The following SLC39A10 variants were observed in gnomAD, a reference collection of about 807,000 sequenced individuals.
SLC39A10 encodes the protein zinc transporter ZIP10.
Under a neutral mutation model 65.1 loss-of-function variants are expected in SLC39A10, and 13 were observed. That is an observed-to-expected ratio of 0.20 (90% confidence interval 0.13 to 0.32). The LOEUF (loss-of-function observed/expected upper bound fraction) is 0.32. SLC39A10 is among the 10% of genes least tolerant of loss of function. SLC39A10 has a pLI of 1.00. For missense variants in SLC39A10, 831 were observed against 1,018.4 expected, an observed-to-expected ratio of 0.82 and a Z score of 2.50; for synonymous variants, 321 against 342.2, an observed-to-expected ratio of 0.94 and a Z score of 0.68.
At chr2:195,726,417 G>C (rs1221131432) in intron 8 of SLC39A10, among the ~76,000 whole-genome samples, 1 of 152,112 alleles carries the variant, frequency 6.6e-6, no homozygotes, top group African/African-American at 2.4e-5. Context: ...ATTTGTTAGG[G>C]AAGTTAGGGA....
intron 2 of SLC39A10, among the ~76,000 whole-genome samples, chr2:195,631,078 A>G (rs1688574795): frequency 6.6e-6 from 1 of 152,026 alleles, no homozygotes; most frequent in African/African-American, 2.4e-5. Flanking sequence ...AATTCCAGCT[A>G]CTCAGGAGGC....
intron 1 of SLC39A10, chr2:195,671,802 T>A (rs1276545053): frequency 6.6e-6 from 1 of 152,224 alleles, no homozygotes; most frequent in Non-Finnish European, 1.5e-5. Flanking sequence ...TGAGAAGTGA[T>A]GCCTGCAACT....
At chr2:195,673,322 A>G (rs1265874501) in intron 1 of SLC39A10, among the ~76,000 whole-genome samples, 1 of 151,750 alleles carries the variant, frequency 6.6e-6, no homozygotes, top group Non-Finnish European at 1.5e-5. Flanking sequence ...ATGCCCAACT[A>G]ATTTTTTTTG....
chr2:195,711,903 T>C (rs186980842), intron 5 of SLC39A10, among the ~76,000 whole-genome samples: 3 of 152,346 alleles, frequency 2.0e-5, no homozygotes, highest in Admixed American at 6.5e-5. Flanking sequence ...CCGTTTTTTT[T>C]CTTCTCTTTA....
chr2:195,636,334 T>C (rs999591931), intron 2 of SLC39A10, among the ~76,000 whole-genome samples: 14 of 152,250 alleles, frequency 9.2e-5, no homozygotes, highest in Non-Finnish European at 4.4e-5. Context: ...TTATATCATA[T>C]GTAATTGGTT....
At chr2:195,670,669 C>T (rs905310857) in intron 1 of SLC39A10, among the ~76,000 whole-genome samples, 2 of 151,878 alleles carry the variant, frequency 1.3e-5, no homozygotes, top group Non-Finnish European at 2.9e-5. Context: ...TTAATAGTAT[C>T]GATGTCAGTT....
At chr2:195,706,218 GC>G (rs1377631163) in intron 3 of SLC39A10, among the ~76,000 whole-genome samples, 2 of 151,818 alleles carry the variant, frequency 1.3e-5, no homozygotes, top group African/African-American at 4.8e-5. Context: ...TAGATACTTG[GC>G]TTTTTTAATG....
At chr2:195,662,729 C>G (rs1689454312) in intron 1 of SLC39A10, among the ~76,000 whole-genome samples, 1 of 152,046 alleles carries the variant, frequency 6.6e-6, no homozygotes, top group South Asian at 2.1e-4. Flanking sequence ...TGGATTGGCA[C>G]TTTAAAAAAA....
chr2:195,619,887 T>C (rs781687321), intron 2 of SLC39A10, among the ~76,000 whole-genome samples: 1 of 151,640 alleles, frequency 6.6e-6, no homozygotes, highest in Admixed American at 6.6e-5. Context: ...TATTTATTTA[T>C]TTAGAGACAG....
At chr2:195,618,986 G>A (rs1162386644) in intron 2 of SLC39A10, among the ~76,000 whole-genome samples, 2 of 151,626 alleles carry the variant, frequency 1.3e-5, no homozygotes, top group Non-Finnish European at 2.9e-5. Context: ...CCAGCTACTC[G>A]GGTGGCTGAG....
upstream of SLC39A10, among the ~76,000 whole-genome samples, chr2:195,655,021 C>G (rs1339987260): frequency 1.3e-5 from 2 of 152,168 alleles, no homozygotes; most frequent in African/African-American, 2.4e-5. Context: ...TCTCTATTTT[C>G]AAGTTGCTTA....
At chr2:195,622,907 G>A (rs1258696771) in intron 2 of SLC39A10, among the ~76,000 whole-genome samples, 1 of 150,758 alleles carries the variant, frequency 6.6e-6, no homozygotes, top group Non-Finnish European at 1.5e-5. Context: ...GGGAGGCAGA[G>A]GTTGCAGTGA....
chr2:195,621,403 C>T (rs1183611947), intron 2 of SLC39A10, among the ~76,000 whole-genome samples: 1 of 152,132 alleles, frequency 6.6e-6, no homozygotes, highest in Non-Finnish European at 1.5e-5. Context: ...AAATTTAATG[C>T]CATACTGATT....
intron 8 of SLC39A10, among the ~76,000 whole-genome samples, chr2:195,724,163 A>T (rs1692149961): frequency 6.6e-6 from 1 of 152,210 alleles, no homozygotes; most frequent in African/African-American, 2.4e-5. Flanking sequence ...TGTTTTAAAA[A>T]ATCTCAGTAG....
intron 1 of SLC39A10, among the ~76,000 whole-genome samples, chr2:195,668,309 CTT>C (rs1201700672): frequency 6.6e-6 from 1 of 152,178 alleles, no homozygotes; most frequent in South Asian, 2.1e-4. Context: ...TGTAATGAAA[CTT>C]TTAAAAAATG....
chr2:195,621,410 G>A (rs1356267279), intron 2 of SLC39A10, among the ~76,000 whole-genome samples: 1 of 152,214 alleles, frequency 6.6e-6, no homozygotes, highest in African/African-American at 2.4e-5. Flanking sequence ...ATGCCATACT[G>A]ATTGTGAGTT....
intron 3 of SLC39A10, among the ~76,000 whole-genome samples, chr2:195,705,076 G>A (rs1395144387): frequency 6.6e-6 from 1 of 152,140 alleles, no homozygotes; most frequent in African/African-American, 2.4e-5. Flanking sequence ...GTTTACAAGC[G>A]TGAGCCACCA....
chr2:195,676,100 T>C (rs1426642150), intron 1 of SLC39A10, among the ~76,000 whole-genome samples: 1 of 152,126 alleles, frequency 6.6e-6, no homozygotes, highest in African/African-American at 2.4e-5. Context: ...CTTTATATAC[T>C]CTGGATACTG....
At chr2:195,661,798 AG>A (rs1241577688) in intron 1 of SLC39A10, among the ~76,000 whole-genome samples, 1 of 152,236 alleles carries the variant, frequency 6.6e-6, no homozygotes, top group Non-Finnish European at 1.5e-5. Context: ...GGCTTGTACA[AG>A]TATAAGGACA....
Sources: allele counts gnomAD v4.1 joint callset (sites outside exome capture counted in the v4.1 genomes callset), GRCh38; gene constraint gnomAD v4.1.1; transcripts MANE v1.5; gene names NCBI Gene and HGNC (gene_info 2026-07-23, HGNC 2026-07-21).